Variants in B4GALT1 observed in about 807,000 individuals in gnomAD.
B4GALT1 encodes N-acetyllactosamine synthase.
In B4GALT1, 16 loss-of-function variants were observed where a neutral mutation model predicts 34.9. That is an observed-to-expected ratio of 0.46 (90% confidence interval 0.31 to 0.70). The LOEUF is 0.70. B4GALT1 is among the 30% of genes least tolerant of loss of function. The probability of loss-of-function intolerance (pLI) is 0.05; values close to 1 mark genes in which losing one functional copy is unlikely to be tolerated. For synonymous variants in B4GALT1, 221 were observed against 218.1 expected, an observed-to-expected ratio of 1.01 and a Z score of -0.12; for missense variants, 445 against 530.5, an observed-to-expected ratio of 0.84 and a Z score of 1.58.
At chr9:33,156,931 A>G (rs1020659479) in intron 1 of B4GALT1, among the ~76,000 whole-genome samples, 2 of 152,232 alleles carry the variant, frequency 1.3e-5, no homozygotes, top group Non-Finnish European at 2.9e-5. Context: ...TGGCAAAGGT[A>G]GGTGGGTGTT....
chr9:33,169,967 G>T (rs182600125), upstream of B4GALT1, among the ~76,000 whole-genome samples: 170 of 127,586 alleles, frequency 1.3e-3, 1 homozygote, highest in Non-Finnish European at 2.1e-3. Flanking sequence ...TCAGCCCCTA[G>T]ATTTTTTTTT....
At chr9:33,142,479 A>C (rs1182690084) in intron 1 of B4GALT1, among the ~76,000 whole-genome samples, 1 of 152,234 alleles carries the variant, frequency 6.6e-6, no homozygotes, top group Non-Finnish European at 1.5e-5. Flanking sequence ...AAACAGGAAT[A>C]GTCTATTCTT....
Position 33,116,521 on chromosome 9 carries a change from C to CTTTTT in B4GALT1, c.837-413_837-409dup, listed in dbSNP as rs577170197. Among the ~76,000 whole-genome samples the CTTTTT allele has an allele frequency of 3.7e-3, 395 of 107,264 alleles. 19 individuals carry two copies. The highest frequency in any genetic ancestry group is 5.9e-3 in the Non-Finnish European group (338 of 57,158). 70.4% of individuals were successfully genotyped at this position (107,264 alleles called of 152,430 possible). Reference sequence around the variant, plus strand: ...ACAGTTGTAAGACACCAAACCGGATCTTTTTTTTTTTTTTTTTTTGAAGGA... The same window carrying CTTTTT: ...ACAGTTGTAAGACACCAAACCGGATCTTTTTTTTTTTTTTTTTTTTTTTTGAAGGA... On this transcript the variant is annotated intron_variant, in intron 3 of 5. Transcript: ENST00000379731.
rs1564033760 is a variant in B4GALT1 at position 33,111,276 on chromosome 9, A to AAAAAAAC, written c.*2177_*2178insGTTTTTT. On this transcript the variant is annotated 3_prime_UTR_variant, in exon 6 of 6. Transcript: ENST00000379731. ...AAAAAAAAAAAAAAAAAAAAAAAAA[A>AAAAAAAC]AACAACAAGAAAAGGTAGAGTTTGG... 2.8e-5 allele frequency: 3 copies of AAAAAAAC among 106,020 alleles called. No homozygotes were observed. Among genetic ancestry groups the AAAAAAAC allele is most frequent in the Admixed American group, 2.1e-4 (2 of 9,582 alleles). The allele number at this position is 106,020 out of a possible 1,614,324, so 6.6% of individuals were successfully genotyped here.
intron 3 of B4GALT1, among the ~76,000 whole-genome samples, chr9:33,118,722 G>A (rs1296504044): frequency 6.6e-6 from 1 of 152,024 alleles, no homozygotes; most frequent in Non-Finnish European, 1.5e-5. Context: ...AGGGTCTGCT[G>A]TCTACATGAG....
chr9:33,162,072 C>T (rs1200873659), intron 1 of B4GALT1, among the ~76,000 whole-genome samples: 1 of 152,164 alleles, frequency 6.6e-6, no homozygotes, highest in Non-Finnish European at 1.5e-5. Flanking sequence ...AGCTTAGTCC[C>T]AGCCTGGAAA....
chr9:33,147,399 C>T (rs553159019), intron 1 of B4GALT1, among the ~76,000 whole-genome samples: 309 of 152,166 alleles, frequency 2.0e-3, no homozygotes, highest in Non-Finnish European at 3.4e-3. Flanking sequence ...AGGCACCTGC[C>T]ACCACGCCCA....
At position 33,111,277 on chromosome 9, in the gene B4GALT1, A is replaced by C. The variant is rs111345260; in HGVS notation, c.*2177T>G. ...AAAAAAAAAAAAAAAAAAAAAAAAA[A>C]ACAACAAGAAAAGGTAGAGTTTGGT... On this transcript the variant is annotated 3_prime_UTR_variant, in exon 6 of 6. Transcript: ENST00000379731. 3.1e-5 allele frequency: 3 copies of C among 95,376 alleles called. No homozygotes were observed. The highest frequency in any genetic ancestry group is 1.2e-4 in the African/African-American group (3 of 25,816). 5.9% of individuals were successfully genotyped at this position (95,376 alleles called of 1,614,324 possible).
At position 33,135,171 on chromosome 9, in the gene B4GALT1, C is replaced by T; in HGVS notation, c.648+18G>A. 6.2e-7 allele frequency: 1 copy of T among 1,607,720 alleles called. No homozygotes were observed. The highest frequency in any genetic ancestry group is 8.5e-7 in the Non-Finnish European group (1 of 1,174,438). ...CATGCACACACACCCTCTCTCATTC[C>T]ACCTTCCCAGGCCTCACCTGGTTGA... On this transcript the variant is annotated intron_variant, in intron 2 of 5. Coordinates refer to ENST00000379731, the MANE Select transcript of B4GALT1 (RefSeq NM_001497.4).
At chr9:33,162,867 C>G (rs1275748280) in intron 1 of B4GALT1, among the ~76,000 whole-genome samples, 1 of 152,164 alleles carries the variant, frequency 6.6e-6, no homozygotes, top group South Asian at 2.1e-4. Context: ...AAGAAAGCGA[C>G]CAAGTTTCAC....
At chr9:33,163,667 C>T (rs78237914) in intron 1 of B4GALT1, among the ~76,000 whole-genome samples, 8,747 of 152,282 alleles carry the variant, frequency 0.057, 285 homozygotes, top group Non-Finnish European at 0.068. Flanking sequence ...ATAAACATGA[C>T]GGGGGAAGAA....
intron 1 of B4GALT1, among the ~76,000 whole-genome samples, chr9:33,158,953 T>C (rs961853783): frequency 4.3e-4 from 66 of 152,210 alleles, no homozygotes; most frequent in Non-Finnish European, 2.9e-5. Context: ...CTCCTGACTT[T>C]GGTGTGAAGA....
intron 2 of B4GALT1, among the ~76,000 whole-genome samples, chr9:33,131,314 G>A (rs1238698865): frequency 6.6e-6 from 1 of 152,202 alleles, no homozygotes; most frequent in Non-Finnish European, 1.5e-5. Context: ...ACATGGAGCA[G>A]AAGTTTCTAC....
At chr9:33,165,191 C>T (rs890459442) in intron 1 of B4GALT1, among the ~76,000 whole-genome samples, 2 of 152,044 alleles carry the variant, frequency 1.3e-5, no homozygotes, top group African/African-American at 4.8e-5. Context: ...TGGTCTCAAA[C>T]TCCTAACCTC....
rs147894641 is a variant in B4GALT1, at chr9:33,140,937, T to C, written c.413-5513A>G. Among the ~76,000 whole-genome samples the C allele has an allele frequency of 2.6e-3, 391 of 152,338 alleles. 1 individual carries two copies. The highest frequency in any genetic ancestry group is 8.4e-3 in the African/African-American group (351 of 41,580). On this transcript the variant is annotated intron_variant, in intron 1 of 5. Coordinates refer to ENST00000379731, the MANE Select transcript of B4GALT1 (RefSeq NM_001497.4). ...TTACTGTACGTGGCTCACCCGTCAT[T>C]CTGGGAAGAGCACAAGCTCTCTAAG...
chr9:33,149,237 A>G (rs923207807), intron 1 of B4GALT1, among the ~76,000 whole-genome samples: 3 of 151,854 alleles, frequency 2.0e-5, no homozygotes, highest in African/African-American at 7.2e-5. Context: ...GAGGAGTAAC[A>G]GGACAAGTAT....
intron 3 of B4GALT1, among the ~76,000 whole-genome samples, chr9:33,119,662 G>C (rs1487740260): frequency 6.6e-6 from 1 of 152,198 alleles, no homozygotes; most frequent in Non-Finnish European, 1.5e-5. Flanking sequence ...GCTGCAGTGA[G>C]CCATGATTGT....
intron 1 of B4GALT1, among the ~76,000 whole-genome samples, chr9:33,143,824 T>C (rs7036812): frequency 0.36 from 54,886 of 151,948 alleles, 10,443 homozygotes; most frequent in East Asian, 0.6. Context: ...TGTTTTGCTT[T>C]CAGCTTTTGC....
In B4GALT1 at chr9:33,119,485, G is replaced by A. The variant is rs540591286; in HGVS notation, c.836+934C>T. On this transcript the variant is annotated intron_variant, in intron 3 of 5. Transcript: ENST00000379731. ...TAATCCCAATGCTTTGGAAGGCTGA[G>A]GTGAGAGGATCACTTGAGCCCAAGA... Among the ~76,000 whole-genome samples, 5 of 152,356 alleles carry A rather than the reference G, an allele frequency of 3.3e-5. 1 individual carries two copies. The highest frequency in any genetic ancestry group is 1.2e-4 in the African/African-American group (5 of 41,588).
Sources: allele counts gnomAD v4.1 joint callset (sites outside exome capture counted in the v4.1 genomes callset), GRCh38; gene constraint gnomAD v4.1.1; transcripts MANE v1.5; gene names NCBI Gene and HGNC (gene_info 2026-07-23, HGNC 2026-07-21).